JPH4: variants seen among roughly 807,000 people sequenced by gnomAD.
JPH4 encodes the protein junctophilin 4.
In JPH4, 18 loss-of-function variants were observed where a neutral mutation model predicts 57.6. The ratio of observed to expected loss-of-function variants is 0.31; its 90% CI spans 0.22 to 0.46. JPH4 has a LOEUF of 0.46. Among genes scored for constraint, JPH4 ranks in the 20% least tolerant of loss-of-function variants. JPH4 has a pLI of 1.00. For missense variants in JPH4, 727 were observed against 911.1 expected (o/e 0.80, Z 2.60); for synonymous variants, 425 against 406.6 (o/e 1.05, Z -0.54).
chr14:23,573,816 T>G (rs755821906), intron 3 of JPH4, among the ~76,000 whole-genome samples: 20 of 152,032 alleles, frequency 1.3e-4, no homozygotes, highest in Non-Finnish European at 2.2e-4. Flanking sequence ...CCTTCCCCCT[T>G]CCCTGGCTTA....
Position 23,571,323 on chromosome 14 carries a change from G to A in JPH4, c.1408C>T (p.Pro470Ser), listed in dbSNP as rs1425438392. 1.3e-6 allele frequency: 2 copies of A among 1,596,060 alleles called. No individual in the cohort carries two copies. The highest frequency in any genetic ancestry group is 2.7e-5 in the African/African-American group (2 of 74,618). Residue 470 changes from proline to serine, a missense_variant, in exon 5 of 6, where the codon CCC becomes TCC. By Grantham distance (74) the Pro-to-Ser change is moderately conservative. This residue lies in a region of JPH4 where 293 missense variants were observed against 279.8 expected (regional missense o/e 1.05). Coordinates refer to ENST00000356300, the MANE Select transcript of JPH4 (RefSeq NM_001146028.2). The surrounding 1 kb of genome is among the most constrained non-coding windows in gnomAD (Gnocchi z 4.6). ...LPSSPASSRQ[P>S]WRPPACRSPL... is the part of the protein sequence containing the mutation. ...CTCCGGCAGGCAGGGGGTCGCCAGG[G>A]TTGGCGGGAGGAGGCAGGACTGCTG...
At position 23,571,706 on chromosome 14, in the gene JPH4, C is replaced by G. The variant is rs1369549606; in HGVS notation, c.1270+96G>C. ...CATTCCTTGTTTTTTCCCATCCCCACTTCCCTTGCAGGGCTTCTCATCTGT... is the reference window on the plus strand; with the variant it reads ...CATTCCTTGTTTTTTCCCATCCCCAGTTCCCTTGCAGGGCTTCTCATCTGT... On this transcript the variant is annotated intron_variant, in intron 4 of 5. Coordinates refer to ENST00000356300, the MANE Select transcript of JPH4 (RefSeq NM_001146028.2). The surrounding 1 kb of genome is among the most constrained non-coding windows in gnomAD (Gnocchi z 4.6). The G allele has an allele frequency of 6.4e-6, 8 of 1,241,104 alleles. No individual in the cohort carries two copies. The East Asian group carries it at 1.9e-4, about 29-fold the overall frequency. The allele number at this position is 1,241,104 out of a possible 1,614,324, so 76.9% of individuals were successfully genotyped here. A position where few individuals can be genotyped will look rare whatever the true frequency, so the allele number is the denominator to read the frequency against.
chr14:23,571,045 C>G lies in JPH4; in HGVS notation c.1686G>C (p.Thr562=), dbSNP rs772725073. The change falls in exon 5 of 6, where the codon ACG becomes ACC. Residue 562 remains threonine (T), a synonymous_variant. Transcript: ENST00000356300. This position sits in a 1 kb window ranked among gnomAD's most constrained non-coding sequence, Gnocchi z 4.6. ...CCAGCATGGCGATGGGCTCAGGCTC[C>G]GTGCCTGCTGGGGCCCTCAGCGGGG... is the stretch of plus-strand genomic sequence containing the variant. ...PLPPLRAPAG[T]EPEPIAMLVL... The G allele has an allele frequency of 5.0e-6, 8 of 1,606,398 alleles. No individual in the cohort carries two copies. In the South Asian group the frequency reaches 8.9e-5, roughly 18 times the overall value.
rs1435468276 is a variant in JPH4, at chr14:23,577,589, C to A, written c.-136G>T. On this transcript the variant is annotated 5_prime_UTR_variant, in exon 2 of 6. Transcript: ENST00000356300. This position sits in a 1 kb window ranked among gnomAD's most constrained non-coding sequence, Gnocchi z 8.4. Reference sequence around the variant, plus strand: ...CCGGGGCCGGGCGGGGGGGCCCCAGCGAGGGCAGGCAGGGCCGGACCCTCA... The same window carrying A: ...CCGGGGCCGGGCGGGGGGGCCCCAGAGAGGGCAGGCAGGGCCGGACCCTCA... The A allele has an allele frequency of 2.0e-5, 13 of 646,294 alleles. No homozygotes were observed. Among genetic ancestry groups the A allele is most frequent in the Admixed American group, 4.2e-5 (1 of 23,768 alleles). 40.0% of individuals were successfully genotyped at this position (646,294 alleles called of 1,614,324 possible).
chr14:23,569,637 G>A lies in JPH4; in HGVS notation c.1884C>T (p.Thr628=), dbSNP rs1245242950. The A allele has an allele frequency of 1.9e-6, 3 of 1,552,184 alleles. No individual in the cohort carries two copies. Among genetic ancestry groups the A allele is most frequent in the Non-Finnish European group, 2.6e-6 (3 of 1,147,180 alleles). The change falls in exon 6 of 6, where the codon ACC becomes ACT. Residue 628 remains threonine, a synonymous_variant. Transcript: ENST00000356300. This position sits in a 1 kb window ranked among gnomAD's most constrained non-coding sequence, Gnocchi z 4.8. The part of the protein sequence containing the change: ...SLAFLFSQLL[T] ...AGAACCAGGCCAGGAAGTAGCCTCA[G>A]GTGAGGAGCTGGGAGAACAGGAATG... is the stretch of plus-strand genomic sequence containing the variant.
rs1388931899 is a variant in JPH4, at chr14:23,569,719, TAG to T, written c.1804-4_1804-3del. 2.3e-5 allele frequency: 35 copies of T among 1,546,790 alleles called. No homozygotes were observed. In the Middle Eastern group the frequency reaches 5.9e-4, roughly 26 times the overall value. ...CACCACCAGGGGGTTGGCAGCTCCC[TAG>T]AGAGACAGAGGGGGAAGCAGACTCA... On this transcript the variant is annotated splice_polypyrimidine_tract_variant and splice_region_variant and intron_variant, in intron 5 of 5. Coordinates refer to ENST00000356300, the MANE Select transcript of JPH4 (RefSeq NM_001146028.2). This position sits in a 1 kb window ranked among gnomAD's most constrained non-coding sequence, Gnocchi z 4.8.
intron 5 of JPH4, among the ~76,000 whole-genome samples, chr14:23,570,201 G>C (rs1889075796): frequency 7.6e-6 from 1 of 132,042 alleles, no homozygotes; most frequent in Non-Finnish European, 1.6e-5. Flanking sequence ...GGTAGGGAGG[G>C]AACAATCTTT....
chr14:23,577,423 C>T lies in JPH4; in HGVS notation c.31G>A (p.Asp11Asn). The stretch of plus-strand genomic sequence containing the variant: ...CAGCCCCCCACGTAGCAGCCCCCGT[C>T]GTCAAAGTCGAACTTGCCCCCGGGG... MSPGGKFDFD[D>N]GGCYVGGWEA... The change falls in exon 2 of 6, where the codon GAC (aspartate) becomes AAC (asparagine). Residue 11 changes from aspartate to asparagine, a missense_variant. Transcript: ENST00000356300. This position sits in a 1 kb window ranked among gnomAD's most constrained non-coding sequence, Gnocchi z 8.4. 6.9e-7 allele frequency: 1 copy of T among 1,443,436 alleles called. No individual in the cohort carries two copies. The highest frequency in any genetic ancestry group is 9.1e-7 in the Non-Finnish European group (1 of 1,101,636). The allele number at this position is 1,443,436 out of a possible 1,614,324, so 89.4% of individuals were successfully genotyped here.
chr14:23,571,344 T>G lies in JPH4; in HGVS notation c.1387A>C (p.Ser463Arg), dbSNP rs1326733193. The G allele has an allele frequency of 1.2e-6, 2 of 1,600,034 alleles. No homozygotes were observed. The highest frequency in any genetic ancestry group is 3.4e-5 in the Admixed American group (2 of 59,254). ...PSEGSPELPS[S>R]PASSRQPWRP... is the part of the protein sequence containing the mutation. ...CAGGGTTGGCGGGAGGAGGCAGGACTGCTGGGCAGTTCAGGGGATCCCTCT... is the reference window on the plus strand; with the variant it reads ...CAGGGTTGGCGGGAGGAGGCAGGACGGCTGGGCAGTTCAGGGGATCCCTCT... The change falls in exon 5 of 6, where the codon AGT becomes CGT. Residue 463 changes from serine (S) to arginine (R), a missense_variant. Physicochemically the swap from Ser to Arg is moderately radical, Grantham distance 110. This residue lies in a region of JPH4 where 293 missense variants were observed against 279.8 expected (regional missense o/e 1.05). Transcript: ENST00000356300. This position sits in a 1 kb window ranked among gnomAD's most constrained non-coding sequence, Gnocchi z 4.6.
In JPH4 at chr14:23,577,141, G is replaced by C; in HGVS notation, c.313C>G (p.Arg105Gly). The C allele has an allele frequency of 6.5e-7, 1 of 1,547,638 alleles. No individual in the cohort carries two copies. The highest frequency in any genetic ancestry group is 8.7e-7 in the Non-Finnish European group (1 of 1,154,840). The change falls in exon 2 of 6, where the codon CGC becomes GGC. Residue 105 changes from arginine (R) to glycine (G), a missense_variant. Arg to Gly is a moderately radical substitution (Grantham distance 125). This residue lies in a region of JPH4 where 90 missense variants were observed against 88.1 expected (regional missense o/e 1.02). Transcript: ENST00000356300. This position sits in a 1 kb window ranked among gnomAD's most constrained non-coding sequence, Gnocchi z 8.4. The stretch of plus-strand genomic sequence containing the variant: ...CCGTCCTTCCAGAGCCCGGCGTAGC[G>C]CAGGCCGGACACGCTTTCCCACACG... ...SGVWESVSGLRYAGLWKDGFQ... is the reference protein window; with the variant it reads ...SGVWESVSGLGYAGLWKDGFQ...
chr14:23,571,625 A>G lies in JPH4; in HGVS notation c.1271-165T>C, dbSNP rs996788445. On this transcript the variant is annotated intron_variant, in intron 4 of 5. Coordinates refer to ENST00000356300, the MANE Select transcript of JPH4 (RefSeq NM_001146028.2). This position sits in a 1 kb window ranked among gnomAD's most constrained non-coding sequence, Gnocchi z 4.6. ...CCATTATCCTACTGCATACATTCCC[A>G]AGTCCCACTCCCCAGACTACCAGGT... Among the ~76,000 whole-genome samples, 4 of 151,728 alleles carry G rather than the reference A, an allele frequency of 2.6e-5. No individual in the cohort carries two copies. The highest frequency in any genetic ancestry group is 9.7e-5 in the African/African-American group (4 of 41,236).
intron 3 of JPH4, among the ~76,000 whole-genome samples, chr14:23,573,892 G>A (rs1210972993): frequency 2.0e-5 from 3 of 151,286 alleles, no homozygotes; most frequent in Non-Finnish European, 4.4e-5. Flanking sequence ...TGACTCAAAC[G>A]TCTACTCTGC....
At chr14:23,572,374 C>A (rs1023542824) in intron 3 of JPH4, among the ~76,000 whole-genome samples, 1 of 151,756 alleles carries the variant, frequency 6.6e-6, no homozygotes, top group Non-Finnish European at 1.5e-5. Flanking sequence ...TGTTACTAAC[C>A]CCTCTCACCC....
In JPH4 at chr14:23,575,659, C is replaced by T; in HGVS notation, c.1151+26G>A. 1 of 1,581,986 alleles carries T rather than the reference C, an allele frequency of 6.3e-7. No homozygotes were observed. The highest frequency in any genetic ancestry group is 1.2e-5 in the South Asian group (1 of 86,682). On this transcript the variant is annotated intron_variant, in intron 3 of 5. Coordinates refer to ENST00000356300, the MANE Select transcript of JPH4 (RefSeq NM_001146028.2). This position sits in a 1 kb window ranked among gnomAD's most constrained non-coding sequence, Gnocchi z 6.9. ...AGCGCACCCCCTCCTCTTAGCCCAG[C>T]TTTGGCCTCTGAACTGGACGCCCAC...
rs917084714 is a variant in JPH4 at position 23,576,942 on chromosome 14, G to T, written c.379+133C>A. The T allele has an allele frequency of 2.8e-6, 3 of 1,076,396 alleles. No individual in the cohort carries two copies. In the African/African-American group the frequency reaches 5.0e-5, roughly 18 times the overall value. The allele number at this position is 1,076,396 out of a possible 1,614,324, so 66.7% of individuals were successfully genotyped here. ...GGAGAGAGCAGAAATTGGGGGCTGG[G>T]GGTCACATCGATGGGGAATGGTGGC... On this transcript the variant is annotated intron_variant, in intron 2 of 5. Coordinates refer to ENST00000356300, the MANE Select transcript of JPH4 (RefSeq NM_001146028.2). This position sits in a 1 kb window ranked among gnomAD's most constrained non-coding sequence, Gnocchi z 8.0.
Position 23,576,432 on chromosome 14 carries a change from G to A in JPH4, c.404C>T (p.Ala135Val), listed in dbSNP as rs1351306155. ...TACCCCGTAGCCGTGGCGCTTCCCG[G>A]CCTGCCACTGGCCCTGGTAGGTGCC... is the stretch of plus-strand genomic sequence containing the variant. ...DGGTYQGQWQAGKRHGYGVRQ... is the reference protein window; with the variant it reads ...DGGTYQGQWQVGKRHGYGVRQ... Residue 135 changes from alanine to valine, a missense_variant, in exon 3 of 6, where the codon GCC becomes GTC. Ala to Val is a moderately conservative substitution (Grantham distance 64). Coordinates refer to ENST00000356300, the MANE Select transcript of JPH4 (RefSeq NM_001146028.2). The surrounding 1 kb of genome is among the most constrained non-coding windows in gnomAD (Gnocchi z 8.0). 1.4e-6 allele frequency: 2 copies of A among 1,444,828 alleles called. No individual in the cohort carries two copies. Among genetic ancestry groups the A allele is most frequent in the African/African-American group, 1.5e-5 (1 of 67,550 alleles). 89.5% of individuals were successfully genotyped at this position (1,444,828 alleles called of 1,614,324 possible).
chr14:23,575,282 G>T lies in JPH4; in HGVS notation c.1151+403C>A. On this transcript the variant is annotated intron_variant, in intron 3 of 5. Coordinates refer to ENST00000356300, the MANE Select transcript of JPH4 (RefSeq NM_001146028.2). This position sits in a 1 kb window ranked among gnomAD's most constrained non-coding sequence, Gnocchi z 6.9. ...ATTCCACCCAGGGTTGATGCTCCCA[G>T]CCTGAGGCCTGGAGGCTGGATCAGC... is the stretch of plus-strand genomic sequence containing the variant. The T allele has an allele frequency of 3.9e-6, 1 of 254,718 alleles. No individual in the cohort carries two copies. Among genetic ancestry groups the T allele is most frequent in the Non-Finnish European group, 7.6e-6 (1 of 131,000 alleles). The allele number at this position is 254,718 out of a possible 1,614,324, so 15.8% of individuals were successfully genotyped here.
rs538421497 is a variant in JPH4 at position 23,574,639 on chromosome 14, G to A, written c.1151+1046C>T. 5.3e-5 allele frequency among the ~76,000 whole-genome samples: 8 copies of A among 152,304 alleles called. No homozygotes were observed. In the South Asian group the frequency reaches 1.4e-3, roughly 28 times the overall value. ...CTCACCTCGCTGCGCAGGGAGCCTC[G>A]CTTGCTGCCCAGGGAGCTGCAGGTT... On this transcript the variant is annotated intron_variant, in intron 3 of 5. Transcript: ENST00000356300.
intron 5 of JPH4, 56 bp downstream of exon 5, chr14:23,570,872 G>A: frequency 6.9e-7 from 1 of 1,446,772 alleles, no homozygotes; most frequent in Non-Finnish European, 9.1e-7. Flanking sequence ...TTCTGGAAAG[G>A]GTGGGAGGCA....
Sources: gnomAD v4.1 joint callset for allele counts (sites outside exome capture counted in the v4.1 genomes callset) on GRCh38, gnomAD v4.1.1 for gene constraint, gnomAD v4.1.1 regional missense constraint, Gnocchi (gnomAD v3.1) non-coding constraint, MANE v1.5 for transcripts, NCBI Gene and HGNC (gene_info 2026-07-23, HGNC 2026-07-21) for gene names.